Variants in PCLO observed in about 807,000 individuals in gnomAD.
The protein encoded by PCLO is protein piccolo.
Under a neutral mutation model 427.5 loss-of-function variants are expected in PCLO, and 82 were observed. That is an observed-to-expected ratio of 0.19 (90% CI 0.16 to 0.23). PCLO has a LOEUF of 0.23. PCLO is among the 10% of genes least tolerant of loss of function. The pLI, the probability that PCLO is intolerant of heterozygous loss-of-function variation, is 1.00. For missense variants in PCLO, 6,239 were observed against 6,115.9 expected, an observed-to-expected ratio of 1.02 and a Z score of -0.67; for synonymous variants, 2,357 against 2,155.4, an observed-to-expected ratio of 1.09 and a Z score of -2.59.
At chr7:82,912,586 T>G in intron 7 of PCLO, among the ~76,000 whole-genome samples, 2 of 152,168 alleles carry the variant, frequency 1.3e-5, no homozygotes, top group East Asian at 3.9e-4. Flanking sequence ...TTCATTTAAA[T>G]TTTAATTGCT....
At position 82,950,347 on chromosome 7, in the gene PCLO, C is replaced by T. The variant is rs373186110; in HGVS notation, c.10241G>A (p.Ser3414Asn). Residue 3414 changes from serine (S) to asparagine (N), a missense_variant, in exon 6 of 25, where the codon AGT becomes AAT. This residue lies in a region of PCLO where 4,677 missense variants were observed against 4,468.4 expected (regional missense o/e 1.05). Coordinates refer to ENST00000333891, the MANE Select transcript of PCLO (RefSeq NM_033026.6). ...CTGTCCTCGGACTTTAGCTCCAGAA[C>T]TTCTCTTTTTGGGTTGTTTTTCCTC... ...VKEEKQPKKR[S>N]SGAKVRGQYD... The T allele has an allele frequency of 1.2e-6, 2 of 1,613,550 alleles. No individual in the cohort carries two copies. The highest frequency in any genetic ancestry group is 2.7e-5 in the African/African-American group (2 of 74,794).
At chr7:82,805,343 C>G (rs548726574) in intron 21 of PCLO, among the ~76,000 whole-genome samples, 6 of 152,208 alleles carry the variant, frequency 3.9e-5, no homozygotes, top group African/African-American at 1.4e-4. Flanking sequence ...ATATGTTTGT[C>G]TCAAATACCA....
At chr7:82,821,889 A>G (rs1439939085) in intron 20 of PCLO, 1 of 984,950 alleles carries the variant, frequency 1.0e-6, no homozygotes, top group East Asian at 1.1e-4. Flanking sequence ...CAGATTTTTC[A>G]GAAGACTACA....
chr7:82,969,211 T>G (rs1486823907), intron 3 of PCLO, among the ~76,000 whole-genome samples: 1 of 152,116 alleles, frequency 6.6e-6, no homozygotes, highest in African/African-American at 2.4e-5. Context: ...AATTTGAAAT[T>G]TAGGTATGAG....
chr7:82,852,066 A>G (rs530914117), intron 10 of PCLO, among the ~76,000 whole-genome samples: 1 of 152,238 alleles, frequency 6.6e-6, no homozygotes, highest in Admixed American at 6.5e-5. Context: ...AGGAAGGAGT[A>G]AAAAGAAAGG....
intron 3 of PCLO, among the ~76,000 whole-genome samples, chr7:83,026,328 T>G (rs1788496090): frequency 1.3e-5 from 2 of 152,068 alleles, no homozygotes; most frequent in African/African-American, 2.4e-5. Context: ...AAACAGACTT[T>G]AAACCAACAA....
At chr7:83,034,182 AC>A (rs1345409899) in intron 3 of PCLO, among the ~76,000 whole-genome samples, 2 of 152,038 alleles carry the variant, frequency 1.3e-5, no homozygotes, top group Non-Finnish European at 2.9e-5. Context: ...TTTAACTTAG[AC>A]CCATGCTGTT....
intron 3 of PCLO, among the ~76,000 whole-genome samples, chr7:83,124,781 C>T (rs954850206): frequency 7.2e-5 from 11 of 152,098 alleles, no homozygotes; most frequent in Non-Finnish European, 1.3e-4. Context: ...CTCCCTCTCC[C>T]GCTTTCCAGG....
In PCLO at chr7:82,969,427, G is replaced by C. The variant is rs1355369755; in HGVS notation, c.3301-2940C>G. On this transcript the variant is annotated intron_variant, in intron 3 of 24. Coordinates refer to ENST00000333891, the MANE Select transcript of PCLO (RefSeq NM_033026.6). ...ATTGGCTATTTCAAATTAATGTTTTGCTTAAATTGCCATCCATGTTCAGTT... is the reference window on the plus strand; with the variant it reads ...ATTGGCTATTTCAAATTAATGTTTTCCTTAAATTGCCATCCATGTTCAGTT... 2.0e-5 allele frequency among the ~76,000 whole-genome samples: 3 copies of C among 151,950 alleles called. No individual in the cohort carries two copies. The East Asian group carries it at 5.8e-4, about 29-fold the overall frequency.
At chr7:83,117,681 A>T (rs1001727398) in intron 3 of PCLO, among the ~76,000 whole-genome samples, 6 of 152,150 alleles carry the variant, frequency 3.9e-5, no homozygotes, top group African/African-American at 1.4e-4. Context: ...CATCACCCCC[A>T]TGGGAGTCAG....
chr7:82,845,276 T>G lies in PCLO; in HGVS notation c.14041A>C (p.Ser4681Arg). The G allele has an allele frequency of 6.2e-7, 1 of 1,612,736 alleles. No homozygotes were observed. Among genetic ancestry groups the G allele is most frequent in the Non-Finnish European group, 8.5e-7 (1 of 1,179,098 alleles). Residue 4681 changes from serine (S) to arginine (R), a missense_variant, in exon 13 of 25, where the codon AGC becomes CGC. Around this residue, in one of 5 missense-constraint regions of PCLO, gnomAD observed 877 missense variants for 925.5 expected, o/e 0.95. Transcript: ENST00000333891. ...GTCACATCAACAATCCTCACCTTGC[T>G]GCTGCCGTGCTTCTTTTTGCTCACT... The part of the protein sequence containing the change: ...PSVSKKKHGS[S>R]KPTDGTKVVS...
At chr7:82,963,711 T>C (rs1288034120) in intron 4 of PCLO, among the ~76,000 whole-genome samples, 1 of 152,062 alleles carries the variant, frequency 6.6e-6, no homozygotes, top group Non-Finnish European at 1.5e-5. Context: ...CCTTTTAAGG[T>C]GATCAAATGT....
At chr7:83,058,822 C>A (rs2116304764) in intron 3 of PCLO, among the ~76,000 whole-genome samples, 1 of 152,184 alleles carries the variant, frequency 6.6e-6, no homozygotes, top group Non-Finnish European at 1.5e-5. Flanking sequence ...ACGCAGGAAG[C>A]AAGGGACTTA....
At chr7:82,783,133 G>T (rs1790909507) in intron 22 of PCLO, among the ~76,000 whole-genome samples, 1 of 152,188 alleles carries the variant, frequency 6.6e-6, no homozygotes, top group Non-Finnish European at 1.5e-5. Flanking sequence ...GAAAAGCTGA[G>T]AAAAGATGTG....
intron 6 of PCLO, among the ~76,000 whole-genome samples, chr7:82,924,227 A>C (rs1423890598): frequency 6.6e-6 from 1 of 152,138 alleles, no homozygotes; most frequent in African/African-American, 2.4e-5. Context: ...TAAACAAAAA[A>C]GATACATTCT....
At chr7:82,810,530 C>T (rs1427349757) in intron 20 of PCLO, among the ~76,000 whole-genome samples, 1 of 151,504 alleles carries the variant, frequency 6.6e-6, no homozygotes, top group African/African-American at 2.4e-5. Context: ...GGGTCCTGTG[C>T]CCTAAAAGAA....
intron 2 of PCLO, among the ~76,000 whole-genome samples, chr7:83,143,006 T>A (rs1265513851): frequency 6.6e-6 from 1 of 152,198 alleles, no homozygotes; most frequent in African/African-American, 2.4e-5. Context: ...CTATGTTGGA[T>A]ACCAAGTAAT....
chr7:82,951,148 G>T lies in PCLO; in HGVS notation c.9440C>A (p.Thr3147Lys), dbSNP rs1472748241. ...TGCAATGTCCGTTTCAGATGCACCTGTTGTTATAAAATATGATCTAGGCAT... is the reference window on the plus strand; with the variant it reads ...TGCAATGTCCGTTTCAGATGCACCTTTTGTTATAAAATATGATCTAGGCAT... ...QPMPRSYFIT[T>K]GASETDIAVT... Residue 3147 changes from threonine (T) to lysine (K), a missense_variant, in exon 6 of 25, where the codon ACA (threonine) becomes AAA (lysine). By Grantham distance (78) the Thr-to-Lys change is moderately conservative. Around this residue, in one of 5 missense-constraint regions of PCLO, gnomAD observed 4,677 missense variants for 4,468.4 expected, o/e 1.05. Transcript: ENST00000333891. The T allele has an allele frequency of 1.2e-6, 2 of 1,613,680 alleles. No homozygotes were observed. The highest frequency in any genetic ancestry group is 2.2e-5 in the South Asian group (2 of 91,058).
intron 3 of PCLO, among the ~76,000 whole-genome samples, chr7:82,998,502 A>G (rs570717777): frequency 1.3e-5 from 2 of 152,074 alleles, no homozygotes; most frequent in East Asian, 3.9e-4. Context: ...GAAAGGAAAT[A>G]GCCAACTCCA....
Sources: gnomAD v4.1 joint callset for allele counts (sites outside exome capture counted in the v4.1 genomes callset) on GRCh38, gnomAD v4.1.1 for gene constraint, gnomAD v4.1.1 regional missense constraint, MANE v1.5 for transcripts, NCBI Gene and HGNC (gene_info 2026-07-23, HGNC 2026-07-21) for gene names.